RORA: variants seen among roughly 807,000 people sequenced by gnomAD.
RORA encodes the protein nuclear receptor ROR-alpha.
RORA carries 7 observed loss-of-function variants against 69.5 expected under a neutral mutation model. The ratio of observed to expected loss-of-function variants is 0.10; its 90% CI spans 0.06 to 0.19. The LOEUF is 0.19. Among genes scored for constraint, RORA ranks in the 10% least tolerant of loss-of-function variants. RORA has a pLI of 1.00. For missense variants in RORA, 457 were observed against 663.0 expected (o/e 0.69, Z 3.41); for synonymous variants, 261 against 240.8 (o/e 1.08, Z -0.78).
chr15:60,721,511 G>A (rs964864667), intron 1 of RORA, among the ~76,000 whole-genome samples: 1 of 152,242 alleles, frequency 6.6e-6, no homozygotes, highest in African/African-American at 2.4e-5. Context: ...ATACAGACCA[G>A]ATTTGTTGAG....
At chr15:60,569,674 C>T (rs1341676442) in intron 2 of RORA, among the ~76,000 whole-genome samples, 6 of 152,124 alleles carry the variant, frequency 3.9e-5, no homozygotes, top group Non-Finnish European at 7.4e-5. Context: ...CACTCCCTTA[C>T]AGTAACGACA....
chr15:60,802,435 T>G (rs1273069195), intron 1 of RORA, among the ~76,000 whole-genome samples: 10 of 152,226 alleles, frequency 6.6e-5, no homozygotes, highest in Admixed American at 6.5e-4. Flanking sequence ...TGACTCTGTC[T>G]GGGTGGGAAT....
chr15:60,563,358 C>T (rs2067631726), intron 2 of RORA, among the ~76,000 whole-genome samples: 1 of 152,192 alleles, frequency 6.6e-6, no homozygotes, highest in Admixed American at 6.5e-5. Context: ...CCTAAGCACG[C>T]ATTTTTTCTA....
intron 2 of RORA, among the ~76,000 whole-genome samples, chr15:60,638,823 C>G (rs540336837): frequency 6.6e-6 from 1 of 152,082 alleles, no homozygotes; most frequent in Non-Finnish European, 1.5e-5. Flanking sequence ...AATTTTTTTT[C>G]CCTGCACCTT....
chr15:60,612,261 T>C (rs1596056673), intron 2 of RORA, among the ~76,000 whole-genome samples: 1 of 151,686 alleles, frequency 6.6e-6, no homozygotes, highest in African/African-American at 2.4e-5. Flanking sequence ...TTGCCTTTTT[T>C]CCCCTGTGCC....
intron 1 of RORA, among the ~76,000 whole-genome samples, chr15:60,774,097 G>C (rs755000205): frequency 1.3e-5 from 2 of 152,166 alleles, no homozygotes; most frequent in South Asian, 2.1e-4. Context: ...ACAACAGTAC[G>C]TGCCTTTGGC....
intron 1 of RORA, among the ~76,000 whole-genome samples, chr15:61,012,568 G>C (rs1420308580): frequency 6.6e-6 from 1 of 152,148 alleles, no homozygotes; most frequent in African/African-American, 2.4e-5. Flanking sequence ...TTTAATAATA[G>C]ACTTGTAGGT....
At chr15:61,153,515 G>C (rs2079415757) in intron 1 of RORA, among the ~76,000 whole-genome samples, 1 of 152,176 alleles carries the variant, frequency 6.6e-6, no homozygotes, top group South Asian at 2.1e-4. Context: ...CCCACTCATA[G>C]TGCCAGAGAG....
intron 2 of RORA, chr15:60,627,317 ACCACGG>A (rs771778485): frequency 1.2e-5 from 19 of 1,614,006 alleles, no homozygotes; most frequent in Non-Finnish European, 1.4e-5. Context: ...CCCATGATTG[ACCACGG>A]CACTCTTGCC....
Position 60,748,661 on chromosome 15 carries a change from G to T in RORA, c.167-69975C>A, listed in dbSNP as rs566147628. On this transcript the variant is annotated intron_variant, in intron 1 of 10. Coordinates refer to ENST00000335670, the MANE Select transcript of RORA (RefSeq NM_134261.3). ...CAGTTCTATCCTGGTTCTCCTTCTAGGCCTCCCAGGTCTCAGCCTGGTTTC... is the reference window on the plus strand; with the variant it reads ...CAGTTCTATCCTGGTTCTCCTTCTATGCCTCCCAGGTCTCAGCCTGGTTTC... Among the ~76,000 whole-genome samples, 7 of 152,216 alleles carry T rather than the reference G, an allele frequency of 4.6e-5. No individual in the cohort carries two copies. In the East Asian group the frequency reaches 1.4e-3, roughly 29 times the overall value.
chr15:60,633,943 T>C (rs925437345), intron 2 of RORA, among the ~76,000 whole-genome samples: 4 of 152,240 alleles, frequency 2.6e-5, no homozygotes, highest in African/African-American at 7.2e-5. Flanking sequence ...CAAGGTATTA[T>C]GTACCAATGA....
intron 1 of RORA, among the ~76,000 whole-genome samples, chr15:60,833,637 G>A (rs913948281): frequency 2.0e-5 from 3 of 152,036 alleles, no homozygotes; most frequent in East Asian, 1.9e-4. Context: ...CTCCTTTACC[G>A]TTTTTTGTTA....
At chr15:61,134,015 T>C (rs1238654341) in intron 1 of RORA, among the ~76,000 whole-genome samples, 2 of 152,228 alleles carry the variant, frequency 1.3e-5, no homozygotes, top group African/African-American at 4.8e-5. Flanking sequence ...ATGTCTGATT[T>C]CTTGCAGACT....
chr15:60,501,121 GAAAAA>G, intron 8 of RORA, 52 bp from the exon 9 acceptor site: 1 of 950,348 alleles, frequency 1.1e-6, no homozygotes, highest in Non-Finnish European at 1.6e-6. Flanking sequence ...TGTCTTAGGA[GAAAAA>G]CCTAGGTCTT....
chr15:61,069,137 C>T (rs941117615), intron 1 of RORA, among the ~76,000 whole-genome samples: 1 of 152,130 alleles, frequency 6.6e-6, no homozygotes, highest in African/African-American at 2.4e-5. Context: ...CAATGGTACA[C>T]CTCTGATAAT....
At chr15:60,559,451 T>G (rs1033101304) in intron 2 of RORA, among the ~76,000 whole-genome samples, 1 of 152,180 alleles carries the variant, frequency 6.6e-6, no homozygotes, top group Admixed American at 6.5e-5. Context: ...ATAAATAGGA[T>G]GTACTGGGTC....
intron 1 of RORA, among the ~76,000 whole-genome samples, chr15:60,961,930 A>AAT (rs1007140606): frequency 2.8e-4 from 42 of 152,292 alleles, no homozygotes; most frequent in African/African-American, 9.9e-4. Flanking sequence ...AAGGCCTGCG[A>AAT]ATATATATGT....
chr15:60,952,392 G>T (rs2140335226), intron 1 of RORA, among the ~76,000 whole-genome samples: 1 of 152,240 alleles, frequency 6.6e-6, no homozygotes, highest in African/African-American at 2.4e-5. Context: ...AGACAGGGAT[G>T]CCCTCTCTCA....
At chr15:60,872,861 G>T (rs77921488) in intron 1 of RORA, among the ~76,000 whole-genome samples, 9,039 of 151,976 alleles carry the variant, frequency 0.059, 316 homozygotes, top group East Asian at 0.12. Context: ...CCTATGTGCT[G>T]TTCCCCAAGT....
Sources: gnomAD v4.1 joint callset for allele counts (sites outside exome capture counted in the v4.1 genomes callset) on GRCh38, gnomAD v4.1.1 for gene constraint, MANE v1.5 for transcripts, NCBI Gene and HGNC (gene_info 2026-07-23, HGNC 2026-07-21) for gene names.